Variants in SLC39A11 observed in about 807,000 individuals in gnomAD.
The protein encoded by SLC39A11 is solute carrier family 39 member 11.
A neutral mutation model predicts 36.1 loss-of-function variants in SLC39A11; 33 were observed. The ratio of observed to expected loss-of-function variants is 0.91; its 90% confidence interval spans 0.69 to 1.22. The LOEUF (loss-of-function observed/expected upper bound fraction) is 1.22. SLC39A11 is among the 50% of genes most tolerant of loss of function. The probability of loss-of-function intolerance (pLI) is 0.00; values close to 1 mark genes in which losing one functional copy is unlikely to be tolerated. For missense variants in SLC39A11, 432 were observed against 430.3 expected (o/e 1.00, Z -0.03); for synonymous variants, 166 against 170.3 (o/e 0.97, Z 0.20).
At chr17:73,022,593 C>T (rs1417706663) in intron 4 of SLC39A11, among the ~76,000 whole-genome samples, 14 of 29,312 alleles carry the variant, frequency 4.8e-4, no homozygotes, top group Non-Finnish European at 3.5e-4. Flanking sequence ...AAAACTCCAT[C>T]TTAAAAAAAA....
intron 5 of SLC39A11, among the ~76,000 whole-genome samples, chr17:72,870,545 T>C (rs1379384052): frequency 6.6e-6 from 1 of 152,250 alleles, no homozygotes; most frequent in Non-Finnish European, 1.5e-5. Context: ...TCTTAGGTCA[T>C]TGCCAAAGCA....
At position 72,967,005 on chromosome 17, in the gene SLC39A11, T is replaced by C. The variant is rs1310965823; in HGVS notation, c.307-19130A>G. On this transcript the variant is annotated intron_variant, in intron 4 of 9. Coordinates refer to ENST00000255559, the MANE Select transcript of SLC39A11 (RefSeq NM_139177.4). ...GAACTGTGCATGCAAAGGATCTAGG[T>C]TGCGCGTTCCTTATGAGAATCTAAT... 2.6e-5 allele frequency among the ~76,000 whole-genome samples: 4 copies of C among 152,250 alleles called. No homozygotes were observed. The East Asian group carries it at 7.7e-4, about 29-fold the overall frequency.
chr17:73,010,502 AC>A (rs2090452225), intron 4 of SLC39A11, among the ~76,000 whole-genome samples: 1 of 152,152 alleles, frequency 6.6e-6, no homozygotes, highest in South Asian at 2.1e-4. Context: ...CCTTACGGGA[AC>A]TTTTTTAAAA....
At chr17:72,864,907 G>A (rs138368154) in intron 5 of SLC39A11, among the ~76,000 whole-genome samples, 315 of 152,278 alleles carry the variant, frequency 2.1e-3, no homozygotes, top group African/African-American at 6.9e-3. Context: ...CCCAGAACAC[G>A]AAGGACCCAG....
chr17:72,791,044 C>T (rs550911109), intron 6 of SLC39A11, among the ~76,000 whole-genome samples: 17 of 152,316 alleles, frequency 1.1e-4, no homozygotes, highest in African/African-American at 3.1e-4. Context: ...TCAGCAGCAT[C>T]GGCATTGCCT....
chr17:72,995,463 G>A (rs1049627255), intron 4 of SLC39A11, among the ~76,000 whole-genome samples: 2 of 152,204 alleles, frequency 1.3e-5, no homozygotes, highest in African/African-American at 4.8e-5. Context: ...CCAGATAGCT[G>A]ACAAAATACT....
chr17:72,738,454 C>T (rs746637374), intron 6 of SLC39A11, among the ~76,000 whole-genome samples: 18 of 152,154 alleles, frequency 1.2e-4, no homozygotes, highest in Admixed American at 2.0e-4. Context: ...GTTTTCACGT[C>T]CTTTCCTGTG....
chr17:72,983,602 G>T (rs1401217677), intron 4 of SLC39A11, among the ~76,000 whole-genome samples: 1 of 152,166 alleles, frequency 6.6e-6, no homozygotes, highest in South Asian at 2.1e-4. Flanking sequence ...AAGCACCTCT[G>T]GAAAAATACA....
intron 4 of SLC39A11, among the ~76,000 whole-genome samples, chr17:72,973,761 A>T (rs2087632982): frequency 6.6e-6 from 1 of 152,094 alleles, no homozygotes; most frequent in Admixed American, 6.6e-5. Context: ...GAGTTTCACC[A>T]TGTTGCCTAA....
At chr17:72,743,195 G>T (rs181657254) in intron 6 of SLC39A11, among the ~76,000 whole-genome samples, 5 of 152,142 alleles carry the variant, frequency 3.3e-5, no homozygotes, top group African/African-American at 4.8e-5. Flanking sequence ...GACCCAGCTG[G>T]GGGGGCTAGA....
chr17:72,973,883 T>C (rs967794571), intron 4 of SLC39A11, among the ~76,000 whole-genome samples: 3 of 152,058 alleles, frequency 2.0e-5, no homozygotes, highest in Non-Finnish European at 4.4e-5. Context: ...GTAGGTACCA[T>C]GGTCTGAAAG....
At chr17:72,767,255 T>G (rs2075789890) in intron 6 of SLC39A11, among the ~76,000 whole-genome samples, 1 of 152,246 alleles carries the variant, frequency 6.6e-6, no homozygotes, top group Non-Finnish European at 1.5e-5. Flanking sequence ...GTTTTGCTGA[T>G]TTTCTCAGTA....
chr17:72,662,345 A>G (rs2070466969), intron 7 of SLC39A11, among the ~76,000 whole-genome samples: 1 of 150,950 alleles, frequency 6.6e-6, no homozygotes, highest in Non-Finnish European at 1.5e-5. Flanking sequence ...AGAGGGAGAG[A>G]GAGAAAAGAA....
chr17:72,782,185 A>G lies in SLC39A11; in HGVS notation c.602-45466T>C, dbSNP rs2076340771. Among the ~76,000 whole-genome samples the G allele has an allele frequency of 3.3e-5, 5 of 152,132 alleles. 1 individual carries two copies. In the South Asian group the frequency reaches 8.3e-4, roughly 25 times the overall value. On this transcript the variant is annotated intron_variant, in intron 6 of 9. Transcript: ENST00000255559. ...ATAGAGACACCCAGAGGAGAAGACAATCTCAGGACAGAGGCAGAGACTGGA... is the reference window on the plus strand; with the variant it reads ...ATAGAGACACCCAGAGGAGAAGACAGTCTCAGGACAGAGGCAGAGACTGGA...
chr17:72,728,039 C>T (rs138685771), intron 7 of SLC39A11, among the ~76,000 whole-genome samples: 7 of 152,282 alleles, frequency 4.6e-5, no homozygotes, highest in African/African-American at 1.4e-4. Context: ...CTTCAACAGA[C>T]AGGGCACAAG....
At chr17:72,849,945 G>A in intron 5 of SLC39A11, 141 bp from the exon 6 acceptor site, 2 of 799,198 alleles carry the variant, frequency 2.5e-6, no homozygotes, top group East Asian at 3.1e-5. Flanking sequence ...CCAGCCTGGA[G>A]GGCAATGGTG....
chr17:72,984,378 T>TAA (rs35999729), intron 4 of SLC39A11, among the ~76,000 whole-genome samples: 54 of 146,800 alleles, frequency 3.7e-4, no homozygotes, highest in African/African-American at 9.8e-4. Context: ...CTCAGACATT[T>TAA]AAAAAAAAAA....
At chr17:72,671,061 G>A (rs2071001203) in intron 7 of SLC39A11, among the ~76,000 whole-genome samples, 1 of 152,192 alleles carries the variant, frequency 6.6e-6, no homozygotes, top group South Asian at 2.1e-4. Context: ...AGAGCTCCTG[G>A]ATGTGTGTCT....
At chr17:72,703,491 G>A (rs1485418011) in intron 7 of SLC39A11, among the ~76,000 whole-genome samples, 1 of 152,094 alleles carries the variant, frequency 6.6e-6, no homozygotes, top group Non-Finnish European at 1.5e-5. Flanking sequence ...ATGGGGGGTT[G>A]GGGGGCGATA....
Sources: gnomAD v4.1 joint callset for allele counts (sites outside exome capture counted in the v4.1 genomes callset) on GRCh38, gnomAD v4.1.1 for gene constraint, MANE v1.5 for transcripts, NCBI Gene and HGNC (gene_info 2026-07-23, HGNC 2026-07-21) for gene names.